Variants in CACNG3 observed in about 807,000 individuals in gnomAD.
The protein encoded by CACNG3 is voltage-dependent calcium channel gamma-3 subunit.
A neutral mutation model predicts 28.5 loss-of-function variants in CACNG3; 3 were observed. The ratio of observed to expected loss-of-function variants is 0.11; its 90% CI spans 0.05 to 0.27. The LOEUF (loss-of-function observed/expected upper bound fraction) is 0.27, where lower values mean the gene tolerates loss of function less well. Among genes scored for constraint, CACNG3 ranks in the 10% least tolerant of loss-of-function variants. The pLI is 1.00. For synonymous variants in CACNG3, 174 were observed against 162.2 expected, an observed-to-expected ratio of 1.07 and a Z score of -0.55; for missense variants, 236 against 414.4, an observed-to-expected ratio of 0.57 and a Z score of 3.74.
intron 1 of CACNG3, among the ~76,000 whole-genome samples, chr16:24,338,413 G>A (rs371090448): frequency 1.3e-5 from 2 of 151,958 alleles, no homozygotes; most frequent in South Asian, 4.2e-4. Context: ...GCAAGATCTC[G>A]GCTCACTGCA....
At chr16:24,317,554 A>AAAAGAAAGAAAGAAAGAAAG (rs1202219518) in intron 1 of CACNG3, among the ~76,000 whole-genome samples, 3 of 85,328 alleles carry the variant, frequency 3.5e-5, no homozygotes, top group Non-Finnish European at 6.8e-5. Context: ...AAAAAAAAGA[A>AAAAGAAAGAAAGAAAGAAAG]AAAGAAAGAA....
intron 1 of CACNG3, among the ~76,000 whole-genome samples, chr16:24,344,811 T>A (rs1899839263): frequency 6.6e-6 from 1 of 152,198 alleles, no homozygotes; most frequent in African/African-American, 2.4e-5. Context: ...CTTATTTTTA[T>A]GAGATCATAA....
At chr16:24,261,891 A>T (rs533971448) in intron 1 of CACNG3, among the ~76,000 whole-genome samples, 2 of 152,256 alleles carry the variant, frequency 1.3e-5, no homozygotes, top group East Asian at 3.9e-4. Flanking sequence ...AGCTTTATTT[A>T]TGTTGTCTGA....
chr16:24,288,479 C>T (rs73554471), intron 1 of CACNG3, among the ~76,000 whole-genome samples: 2,009 of 152,264 alleles, frequency 0.013, 38 homozygotes, highest in African/African-American at 0.046. Flanking sequence ...GCCTTGGTGG[C>T]AGTTATTCAA....
intron 2 of CACNG3, among the ~76,000 whole-genome samples, 199 bp from the exon 3 acceptor site, chr16:24,354,634 G>A (rs767095996): frequency 2.3e-4 from 35 of 152,186 alleles, no homozygotes; most frequent in Non-Finnish European, 4.1e-4. Context: ...CTCTCAGAAT[G>A]GTGACTGCAG....
intron 1 of CACNG3, among the ~76,000 whole-genome samples, chr16:24,324,668 A>G (rs1899515620): frequency 6.6e-6 from 1 of 152,026 alleles, no homozygotes; most frequent in South Asian, 2.1e-4. Flanking sequence ...TGAAAGCCCC[A>G]TTGCCCTTGG....
At chr16:24,258,996 C>T (rs1319945586) in intron 1 of CACNG3, among the ~76,000 whole-genome samples, 1 of 152,204 alleles carries the variant, frequency 6.6e-6, no homozygotes, top group East Asian at 1.9e-4. Context: ...AAGTCCTACA[C>T]CCACAGTTTG....
chr16:24,268,745 C>T (rs1319456744), intron 1 of CACNG3, among the ~76,000 whole-genome samples: 1 of 152,196 alleles, frequency 6.6e-6, no homozygotes. Context: ...TTGAGATTCT[C>T]ACATCTTCTA....
At chr16:24,265,909 T>C (rs1454679840) in intron 1 of CACNG3, among the ~76,000 whole-genome samples, 1 of 152,244 alleles carries the variant, frequency 6.6e-6, no homozygotes, top group Non-Finnish European at 1.5e-5. Context: ...CAAACCCTGC[T>C]ATATCTCACT....
chr16:24,279,754 AAAGGT>A (rs1265293004), intron 1 of CACNG3, among the ~76,000 whole-genome samples: 2 of 152,214 alleles, frequency 1.3e-5, no homozygotes, highest in African/African-American at 4.8e-5. Context: ...TGTTGCATGT[AAAGGT>A]AAGAGAGAAT....
intron 2 of CACNG3, among the ~76,000 whole-genome samples, chr16:24,354,461 T>C (rs1045700953): frequency 6.6e-6 from 1 of 151,870 alleles, no homozygotes; most frequent in Non-Finnish European, 1.5e-5. Context: ...TTTGAGAGCC[T>C]TTTCCAGGGA....
At chr16:24,274,599 G>A (rs951215753) in intron 1 of CACNG3, among the ~76,000 whole-genome samples, 3 of 152,130 alleles carry the variant, frequency 2.0e-5, no homozygotes, top group Non-Finnish European at 4.4e-5. Context: ...TGCAGTTGAT[G>A]GAGCCCCTAC....
At chr16:24,345,787 TAGCGAGGGAGATG>T (rs1325777907) in intron 1 of CACNG3, among the ~76,000 whole-genome samples, 3 of 152,104 alleles carry the variant, frequency 2.0e-5, no homozygotes, top group Non-Finnish European at 4.4e-5. Flanking sequence ...GTGAACCTCA[TAGCGAGGGAGATG>T]AGCTGTGATC....
intron 1 of CACNG3, among the ~76,000 whole-genome samples, chr16:24,316,153 C>A (rs973411503): frequency 3.3e-5 from 5 of 151,726 alleles, no homozygotes; most frequent in African/African-American, 1.2e-4. Context: ...ACCCTGGAAG[C>A]CAGGCTATCG....
rs1332061773 is a variant in CACNG3, at chr16:24,256,348, G to GACCT, written c.-406_-403dup. On this transcript the variant is annotated 5_prime_UTR_variant, in exon 1 of 4. Transcript: ENST00000005284. The surrounding 1 kb of genome is among the most constrained non-coding windows in gnomAD (Gnocchi z 4.6). ...ACACACACACACACACTCACACAGA[G>GACCT]ACCTCTCTGGGTTTCTTTGCCTTGA... The GACCT allele has an allele frequency of 8.0e-6, 2 of 251,376 alleles. No homozygotes were observed. The highest frequency in any genetic ancestry group is 1.6e-5 in the Non-Finnish European group (2 of 128,170). The allele number at this position is 251,376 out of a possible 1,614,324, so 15.6% of individuals were successfully genotyped here.
intron 1 of CACNG3, among the ~76,000 whole-genome samples, chr16:24,309,825 C>T (rs756056238): frequency 2.1e-4 from 32 of 152,048 alleles, no homozygotes; most frequent in Non-Finnish European, 4.3e-4. Context: ...CATGCTAAGG[C>T]CCTGGGGTAG....
intron 1 of CACNG3, among the ~76,000 whole-genome samples, chr16:24,327,126 C>CTA (rs1899559226): frequency 1.1e-4 from 4 of 35,818 alleles, no homozygotes; most frequent in Non-Finnish European, 1.8e-4. Context: ...GGCTCCAAAC[C>CTA]AAAAAAAAAA....
chr16:24,357,311 T>C (rs1596654436), intron 3 of CACNG3, among the ~76,000 whole-genome samples: 2 of 151,662 alleles, frequency 1.3e-5, no homozygotes, highest in South Asian at 4.2e-4. Context: ...GGAAAACTCC[T>C]GTCTTGATTC....
chr16:24,269,746 C>CAAAAAAAAAAAAAAA (rs1163565728), intron 1 of CACNG3, among the ~76,000 whole-genome samples: 2 of 71,082 alleles, frequency 2.8e-5, no homozygotes, highest in Non-Finnish European at 5.7e-5. Context: ...GACTCCATCT[C>CAAAAAAAAAAAAAAA]AAAAAAAAAA....
Sources: allele counts gnomAD v4.1 joint callset (sites outside exome capture counted in the v4.1 genomes callset), GRCh38; gene constraint gnomAD v4.1.1; non-coding constraint Gnocchi (gnomAD v3.1); transcripts MANE v1.5; gene names NCBI Gene and HGNC (gene_info 2026-07-23, HGNC 2026-07-21).